CHRNA7: variants seen among roughly 807,000 people sequenced by gnomAD.
CHRNA7 encodes cholinergic receptor nicotinic alpha 7 subunit, also known as neuronal acetylcholine receptor subunit alpha-7.
Under a neutral mutation model 48.0 loss-of-function variants are expected in CHRNA7, and 17 were observed. The observed-to-expected ratio is 0.35, with a 90% confidence interval of 0.24 to 0.53. The LOEUF (loss-of-function observed/expected upper bound fraction) is 0.53. Among genes scored for constraint, CHRNA7 ranks in the 20% least tolerant of loss-of-function variants. The pLI is 0.92. For missense variants in CHRNA7, 155 were observed against 577.7 expected, an observed-to-expected ratio of 0.27 and a Z score of 7.50; for synonymous variants, 75 against 242.3, an observed-to-expected ratio of 0.31 and a Z score of 6.41.
intron 9 of CHRNA7, among the ~76,000 whole-genome samples, chr15:32,166,776 G>A (rs2052182173): frequency 7.3e-6 from 1 of 137,576 alleles, no homozygotes; most frequent in Non-Finnish European, 1.5e-5. Flanking sequence ...GGCTTCAGTT[G>A]TCTCTCTTCT....
intron 3 of CHRNA7, among the ~76,000 whole-genome samples, chr15:32,106,233 G>A (rs1443778639): frequency 6.6e-6 from 1 of 152,154 alleles, no homozygotes; most frequent in Non-Finnish European, 1.5e-5. Flanking sequence ...CCATAAAAAC[G>A]GCTCTAGCAA....
At chr15:32,045,899 A>G (rs911602698) in intron 2 of CHRNA7, among the ~76,000 whole-genome samples, 1 of 140,550 alleles carries the variant, frequency 7.1e-6, no homozygotes, top group African/African-American at 2.7e-5. Context: ...ATTCCCATCT[A>G]TGAGTGAGAA....
rs377559575 is a variant in CHRNA7 at position 32,051,488 on chromosome 15, C to T, written c.195+20451C>T. 6.8e-4 allele frequency among the ~76,000 whole-genome samples: 103 copies of T among 152,306 alleles called. No individual in the cohort carries two copies. The South Asian group carries it at 0.02, about 30-fold the overall frequency. ...ATATAATCTCCTGGTGTGCCGTTTC[C>T]GAAGCCCGTCAGAAAAGCGCAGTAT... On this transcript the variant is annotated intron_variant, in intron 2 of 9. Transcript: ENST00000306901.
At chr15:32,156,102 C>T (rs2051733573) in intron 5 of CHRNA7, 1 of 114,956 alleles carries the variant, frequency 8.7e-6, no homozygotes, top group Non-Finnish European at 1.8e-5. Context: ...CATCACCCCA[C>T]AAAGATCCCT....
intron 2 of CHRNA7, among the ~76,000 whole-genome samples, chr15:32,035,824 TGAA>T (rs762399194): frequency 4.6e-5 from 7 of 152,158 alleles, no homozygotes; most frequent in African/African-American, 7.2e-5. Context: ...CACAGCAAAA[TGAA>T]GAAGAAGGTA....
rs555727369 is a variant in CHRNA7, at chr15:32,032,110, C to G, written c.195+1073C>G. Among the ~76,000 whole-genome samples the G allele has an allele frequency of 2.6e-5, 4 of 152,306 alleles. No individual in the cohort carries two copies. The South Asian group carries it at 8.3e-4, about 32-fold the overall frequency. On this transcript the variant is annotated intron_variant, in intron 2 of 9. Coordinates refer to ENST00000306901, the MANE Select transcript of CHRNA7 (RefSeq NM_000746.6). ...GTTGATGAATGGTATATCACTTAAC[C>G]TAGTTAAAATTGCCATCATACATTG...
At chr15:32,130,696 A>G (rs1021353341) in intron 4 of CHRNA7, among the ~76,000 whole-genome samples, 3 of 151,820 alleles carry the variant, frequency 2.0e-5, no homozygotes, top group African/African-American at 7.2e-5. Flanking sequence ...TGCTCTTGAT[A>G]TTACATTTTA....
chr15:32,088,824 T>C (rs2050339572), intron 2 of CHRNA7, among the ~76,000 whole-genome samples: 2 of 152,210 alleles, frequency 1.3e-5, no homozygotes, highest in South Asian at 4.1e-4. Context: ...TATAAGTTCT[T>C]TATCAGAGAT....
chr15:32,091,305 G>T (rs181343113), intron 2 of CHRNA7, among the ~76,000 whole-genome samples: 1 of 152,122 alleles, frequency 6.6e-6, no homozygotes, highest in African/African-American at 2.4e-5. Flanking sequence ...GATCAGGAGG[G>T]TATAATCATT....
chr15:32,064,484 T>TGTGC (rs2049931778), intron 2 of CHRNA7, among the ~76,000 whole-genome samples: 1 of 150,314 alleles, frequency 6.7e-6, no homozygotes, highest in Admixed American at 6.6e-5. Context: ...GTGTGTGTAG[T>TGTGC]GTGTGTGTAT....
chr15:32,151,318 TAAA>T, intron 4 of CHRNA7, among the ~76,000 whole-genome samples: 1 of 152,180 alleles, frequency 6.6e-6, no homozygotes, highest in South Asian at 2.1e-4. Flanking sequence ...AGTCATCCTC[TAAA>T]TCTCTTTTAT....
At chr15:32,145,568 G>A (rs1217323982) in intron 4 of CHRNA7, among the ~76,000 whole-genome samples, 1 of 152,160 alleles carries the variant, frequency 6.6e-6, no homozygotes, top group African/African-American at 2.4e-5. Flanking sequence ...AGCTGTGGTG[G>A]GCTCCACTCA....
At chr15:32,048,513 A>G (rs1226946833) in intron 2 of CHRNA7, among the ~76,000 whole-genome samples, 1 of 152,162 alleles carries the variant, frequency 6.6e-6, no homozygotes, top group African/African-American at 2.4e-5. Flanking sequence ...ATTGGTGGTC[A>G]TATCCCCTTT....
At chr15:32,081,385 C>T (rs1358218259) in intron 2 of CHRNA7, among the ~76,000 whole-genome samples, 3 of 151,906 alleles carry the variant, frequency 2.0e-5, no homozygotes, top group East Asian at 1.9e-4. Context: ...CTTATGTGTG[C>T]CATTTTATTT....
At chr15:32,032,924 G>T (rs961023268) in intron 2 of CHRNA7, among the ~76,000 whole-genome samples, 18 of 152,204 alleles carry the variant, frequency 1.2e-4, no homozygotes, top group African/African-American at 4.3e-4. Flanking sequence ...GGAGCTCTGA[G>T]TCTTAGGAGA....
In CHRNA7 at chr15:32,030,569, G is replaced by T; in HGVS notation, c.-26G>T. 1 of 1,474,006 alleles carries T rather than the reference G, an allele frequency of 6.8e-7. No homozygotes were observed. Among genetic ancestry groups the T allele is most frequent in the Non-Finnish European group, 8.9e-7 (1 of 1,118,660 alleles). 91.3% of individuals were successfully genotyped at this position (1,474,006 alleles called of 1,614,324 possible). A position where few individuals can be genotyped will look rare whatever the true frequency, so the allele number is the denominator to read the frequency against. On this transcript the variant is annotated 5_prime_UTR_variant, in exon 1 of 10. Transcript: ENST00000306901. The stretch of plus-strand genomic sequence containing the variant: ...CGACAGCCGAGACGTGGAGCGCGCC[G>T]GCTCGCTGCAGCTCCGGGACTCAAC...
At chr15:32,076,120 G>A (rs1566821859) in intron 2 of CHRNA7, among the ~76,000 whole-genome samples, 2 of 152,026 alleles carry the variant, frequency 1.3e-5, no homozygotes, top group Non-Finnish European at 2.9e-5. Flanking sequence ...CCATGGCCAC[G>A]TGAAAAGAGT....
At chr15:32,051,924 G>A (rs1001150459) in intron 2 of CHRNA7, among the ~76,000 whole-genome samples, 14 of 152,102 alleles carry the variant, frequency 9.2e-5, no homozygotes, top group East Asian at 1.9e-4. Flanking sequence ...TGATCTGCCC[G>A]CCTTGGCCTC....
intron 9 of CHRNA7, chr15:32,165,634 TTTCA>T (rs1228256844): frequency 6.6e-6 from 1 of 152,146 alleles, no homozygotes; most frequent in Non-Finnish European, 1.5e-5. Flanking sequence ...TGCATTTTTC[TTTCA>T]TTCCATGTGT....
Sources: gnomAD v4.1 joint callset for allele counts (sites outside exome capture counted in the v4.1 genomes callset) on GRCh38, gnomAD v4.1.1 for gene constraint, MANE v1.5 for transcripts, NCBI Gene and HGNC (gene_info 2026-07-23, HGNC 2026-07-21) for gene names.